The following ABAT variants were observed in gnomAD, a reference collection of about 807,000 sequenced individuals.
The protein encoded by ABAT is 4-aminobutyrate aminotransferase.
Under a neutral mutation model 64.6 loss-of-function variants are expected in ABAT, and 45 were observed. The observed-to-expected ratio is 0.70, with a 90% confidence interval of 0.55 to 0.89. The LOEUF is 0.89. Among genes scored for constraint, ABAT ranks in the 40% least tolerant of loss-of-function variants. ABAT has a pLI of 0.00. For synonymous variants in ABAT, 297 were observed against 250.5 expected (o/e 1.19, Z -1.75); for missense variants, 633 against 658.4 (o/e 0.96, Z 0.42).
chr16:8,752,889 TATGCACTTGGCATATTGC>T (rs1440506880), intron 5 of ABAT, among the ~76,000 whole-genome samples: 1 of 152,228 alleles, frequency 6.6e-6, no homozygotes, highest in African/African-American at 2.4e-5. Context: ...GAGAATTTAC[TATGCACTTGGCATATTGC>T]CAAGTGCCTT....
In ABAT at chr16:8,685,686, CA is replaced by C. The variant is rs1310271628; in HGVS notation, c.-42+10982del. Among the ~76,000 whole-genome samples the C allele has an allele frequency of 9.2e-5, 14 of 151,428 alleles. No homozygotes were observed. The East Asian group carries it at 1.8e-3, about 19-fold the overall frequency. On this transcript the variant is annotated intron_variant, in intron 1 of 15. Transcript: ENST00000268251. Reference sequence around the variant, plus strand: ...GCAAAACCCTGTCTCAAAACAAAAACAAAAAAACAAACAACAGCAACATCGA... The same window carrying C: ...GCAAAACCCTGTCTCAAAACAAAAACAAAAAACAAACAACAGCAACATCGA...
chr16:8,773,437 C>G (rs1302485455), intron 12 of ABAT, among the ~76,000 whole-genome samples: 1 of 151,604 alleles, frequency 6.6e-6, no homozygotes, highest in African/African-American at 2.4e-5. Context: ...CAGGCCTGAG[C>G]CACCACACTT....
At chr16:8,728,830 C>T (rs1234268383) in intron 1 of ABAT, among the ~76,000 whole-genome samples, 2 of 152,176 alleles carry the variant, frequency 1.3e-5, no homozygotes, top group Admixed American at 6.5e-5. Flanking sequence ...GCCGAGATCA[C>T]GCCACTGTAC....
chr16:8,691,143 A>G (rs1596401019), intron 1 of ABAT, among the ~76,000 whole-genome samples: 1 of 152,110 alleles, frequency 6.6e-6, no homozygotes, highest in Non-Finnish European at 1.5e-5. Context: ...GCTTGATGCT[A>G]CAGCCACACC....
intron 1 of ABAT, among the ~76,000 whole-genome samples, chr16:8,732,527 C>G (rs577990618): frequency 2.6e-5 from 4 of 151,564 alleles, no homozygotes; most frequent in South Asian, 2.1e-4. Flanking sequence ...TCAGAGAGCA[C>G]GGGGTTGGGG....
At chr16:8,706,712 C>CA (rs1408920215) in intron 1 of ABAT, among the ~76,000 whole-genome samples, 18 of 151,370 alleles carry the variant, frequency 1.2e-4, no homozygotes, top group Admixed American at 9.2e-4. Context: ...GACCCTGTCT[C>CA]AAAAAAAAGA....
At position 8,767,249 on chromosome 16, in the gene ABAT, C is replaced by A. The variant is rs189002215; in HGVS notation, c.604-944C>A. On this transcript the variant is annotated intron_variant, in intron 9 of 15. Coordinates refer to ENST00000268251, the MANE Select transcript of ABAT (RefSeq NM_020686.6). Reference sequence around the variant, plus strand: ...CCATTTGCTTGGGGCTGGAAAGGGACAGGGCGTCCATGCACCCCTCCTGAA... The same window carrying A: ...CCATTTGCTTGGGGCTGGAAAGGGAAAGGGCGTCCATGCACCCCTCCTGAA... Among the ~76,000 whole-genome samples, 528 of 152,328 alleles carry A rather than the reference C, an allele frequency of 3.5e-3. 5 individuals carry two copies. Among genetic ancestry groups the A allele is most frequent in the African/African-American group, 0.012 (507 of 41,570 alleles).
chr16:8,763,922 G>C (rs557247425), intron 6 of ABAT, 147 bp from the exon 7 acceptor site: 2 of 723,108 alleles, frequency 2.8e-6, no homozygotes, highest in Non-Finnish European at 5.0e-6. Flanking sequence ...TAAGGAAACC[G>C]GCCATGCCCC....
At chr16:8,702,886 C>G (rs1277409074) in intron 1 of ABAT, among the ~76,000 whole-genome samples, 1 of 151,990 alleles carries the variant, frequency 6.6e-6, no homozygotes, top group Non-Finnish European at 1.5e-5. Flanking sequence ...CGGCGGGAGC[C>G]CTGGGGCTTG....
chr16:8,742,917 TC>T (rs1171119566), intron 2 of ABAT, among the ~76,000 whole-genome samples: 1 of 145,482 alleles, frequency 6.9e-6, no homozygotes, highest in Non-Finnish European at 1.5e-5. Flanking sequence ...GTGCCTGTAG[TC>T]CTAGCTACGT....
chr16:8,679,744 G>T (rs968655375), intron 1 of ABAT, among the ~76,000 whole-genome samples: 4 of 151,914 alleles, frequency 2.6e-5, no homozygotes, highest in Admixed American at 1.3e-4. Flanking sequence ...GGCTCCTGAG[G>T]CCCCAAGAAT....
In ABAT at chr16:8,764,007, T is replaced by A; in HGVS notation, c.367-62T>A. The A allele has an allele frequency of 1.4e-6, 2 of 1,409,672 alleles. No individual in the cohort carries two copies. The highest frequency in any genetic ancestry group is 2.0e-6 in the Non-Finnish European group (2 of 993,934). The allele number at this position is 1,409,672 out of a possible 1,614,324, so 87.3% of individuals were successfully genotyped here. A position where few individuals can be genotyped will look rare whatever the true frequency, so the allele number is the denominator to read the frequency against. Reference sequence around the variant, plus strand: ...ACACAGGGGCTATGAAAAGCACCATTTGTGGGCAGGGAGCTGGGTCAGGCC... The same window carrying A: ...ACACAGGGGCTATGAAAAGCACCATATGTGGGCAGGGAGCTGGGTCAGGCC... On this transcript the variant is annotated intron_variant, in intron 6 of 15. Transcript: ENST00000268251. This position sits in a 1 kb window ranked among gnomAD's most constrained non-coding sequence, Gnocchi z 4.2.
At chr16:8,735,150 A>G (rs113811485) in intron 1 of ABAT, among the ~76,000 whole-genome samples, 15,851 of 146,326 alleles carry the variant, frequency 0.11, 1,256 homozygotes, top group African/African-American at 0.22. Context: ...CTCCAGCCTG[A>G]GCGATAGAAT....
intron 1 of ABAT, among the ~76,000 whole-genome samples, chr16:8,719,838 G>A (rs534865453): frequency 3.3e-5 from 5 of 152,198 alleles, no homozygotes; most frequent in Non-Finnish European, 7.3e-5. Context: ...TTGAGATGGA[G>A]TTTCACTCTT....
chr16:8,692,386 A>C (rs1382621485), intron 1 of ABAT, among the ~76,000 whole-genome samples: 2 of 152,178 alleles, frequency 1.3e-5, no homozygotes, highest in Non-Finnish European at 2.9e-5. Flanking sequence ...AAAAAAATAC[A>C]TTATAATTAA....
chr16:8,764,728 C>G lies in ABAT; in HGVS notation c.448-10C>G. 1 of 1,613,804 alleles carries G rather than the reference C, an allele frequency of 6.2e-7. No individual in the cohort carries two copies. Among genetic ancestry groups the G allele is most frequent in the Non-Finnish European group, 8.5e-7 (1 of 1,179,712 alleles). On this transcript the variant is annotated splice_polypyrimidine_tract_variant and intron_variant, in intron 7 of 15. Coordinates refer to ENST00000268251, the MANE Select transcript of ABAT (RefSeq NM_020686.6). This position sits in a 1 kb window ranked among gnomAD's most constrained non-coding sequence, Gnocchi z 4.2. Reference sequence around the variant, plus strand: ...TGAGCCTGGGCTCACGGCTATTTCCCTCCCCACAGGTGGCTCCCAAAGGGA... The same window carrying G: ...TGAGCCTGGGCTCACGGCTATTTCCGTCCCCACAGGTGGCTCCCAAAGGGA...
At chr16:8,699,983 A>T (rs915305666) in intron 1 of ABAT, among the ~76,000 whole-genome samples, 39 of 150,642 alleles carry the variant, frequency 2.6e-4, no homozygotes, top group South Asian at 1.7e-3. Flanking sequence ...TAATTTTTGT[A>T]TTTTTTTTTG....
In ABAT at chr16:8,781,739, C is replaced by T; in HGVS notation, c.*309C>T. 2.2e-6 allele frequency: 1 copy of T among 457,718 alleles called. No individual in the cohort carries two copies. The highest frequency in any genetic ancestry group is 2.1e-5 in the South Asian group (1 of 46,676). The allele number at this position is 457,718 out of a possible 1,614,324, so 28.4% of individuals were successfully genotyped here. A position where few individuals can be genotyped will look rare whatever the true frequency, so the allele number is the denominator to read the frequency against. ...AGAGTTCTGCCCAACCTTGACCAAC[C>T]CCAGCAATTTTTCCAAAAGCCAGTC... On this transcript the variant is annotated 3_prime_UTR_variant, in exon 16 of 16. Coordinates refer to ENST00000268251, the MANE Select transcript of ABAT (RefSeq NM_020686.6). This position sits in a 1 kb window ranked among gnomAD's most constrained non-coding sequence, Gnocchi z 4.5.
At chr16:8,723,827 ATTTTTTTTTTTTTT>A (rs1157410078) in intron 1 of ABAT, among the ~76,000 whole-genome samples, 2 of 40,358 alleles carry the variant, frequency 5.0e-5, no homozygotes, top group Admixed American at 5.3e-4. Flanking sequence ...ATATATATAT[ATTTTTTTTTTTTTT>A]TTTTTTTTTT....
Sources: allele counts gnomAD v4.1 joint callset (sites outside exome capture counted in the v4.1 genomes callset), GRCh38; gene constraint gnomAD v4.1.1; non-coding constraint Gnocchi (gnomAD v3.1); transcripts MANE v1.5; gene names NCBI Gene and HGNC (gene_info 2026-07-23, HGNC 2026-07-21).